Variants in SGSM1 observed in about 807,000 individuals in gnomAD.
The protein encoded by SGSM1 is small G protein signaling modulator 1, also known as RUN and TBC1 domain containing 2.
In SGSM1, 73 loss-of-function variants were observed where a neutral mutation model predicts 133.8. The observed-to-expected ratio is 0.55, with a 90% CI of 0.45 to 0.66. The LOEUF (loss-of-function observed/expected upper bound fraction) is 0.66, where lower values mean the gene tolerates loss of function less well. Ranked by LOEUF, SGSM1 falls within the 30% of genes least tolerant of loss-of-function variation. SGSM1 has a pLI of 0.00. For missense variants in SGSM1, 1,213 were observed against 1,448.1 expected (o/e 0.84, Z 2.64); for synonymous variants, 563 against 573.0 (o/e 0.98, Z 0.25).
chr22:24,898,495 C>T lies in SGSM1; in HGVS notation c.2546C>T (p.Ser849Phe), dbSNP rs1932995454. The change falls in exon 19 of 25, where the codon TCT (serine) becomes TTT (phenylalanine). Residue 849 changes from serine to phenylalanine, a missense_variant. Ser to Phe is a radical substitution (Grantham distance 155). Transcript: ENST00000400358. Reference protein sequence around the residue: ...EMESLFPALASLAVTTSANEV... With the variant: ...EMESLFPALAFLAVTTSANEV... ...GAAAGTCTCTTCCCTGCCCTGGCTT[C>T]TCTGGCTGTGACTACTTCTGCCAAC... 3 of 1,613,878 alleles carry T rather than the reference C, an allele frequency of 1.9e-6. No individual in the cohort carries two copies. Among genetic ancestry groups the T allele is most frequent in the East Asian group, 4.5e-5 (2 of 44,876 alleles).
intron 19 of SGSM1, among the ~76,000 whole-genome samples, chr22:24,899,536 T>A (rs983409915): frequency 0.012 from 1,568 of 126,526 alleles, 40 homozygotes; most frequent in African/African-American, 0.048. Context: ...TTTTTTTTTT[T>A]AATTGAGACA....
chr22:24,850,752 C>T (rs1034113158), intron 5 of SGSM1, among the ~76,000 whole-genome samples: 2 of 152,102 alleles, frequency 1.3e-5, no homozygotes, highest in African/African-American at 2.4e-5. Context: ...TGGGGATTCC[C>T]GATACTCCAG....
At chr22:24,865,709 C>T (rs1415257349) in intron 9 of SGSM1, among the ~76,000 whole-genome samples, 1 of 151,920 alleles carries the variant, frequency 6.6e-6, no homozygotes, top group Admixed American at 6.6e-5. Flanking sequence ...CACACCTGTG[C>T]AGGTTAAGGG....
intron 9 of SGSM1, among the ~76,000 whole-genome samples, chr22:24,861,952 C>CTTTT (rs1367539189): frequency 2.8e-5 from 4 of 142,350 alleles, no homozygotes; most frequent in African/African-American, 1.1e-4. Flanking sequence ...TTCTTTCTTT[C>CTTTT]TTTCTTTTTT....
chr22:24,895,597 C>T (rs1165482879), intron 18 of SGSM1, among the ~76,000 whole-genome samples: 1 of 152,140 alleles, frequency 6.6e-6, no homozygotes, highest in Non-Finnish European at 1.5e-5. Flanking sequence ...CTTTCAAAAC[C>T]TTCTGTATGC....
chr22:24,859,602 G>T (rs919380497), intron 8 of SGSM1, 114 bp from the exon 9 acceptor site: 1 of 1,442,992 alleles, frequency 6.9e-7, no homozygotes, highest in South Asian at 1.2e-5. Flanking sequence ...GGCCTTGAAG[G>T]GATTAACCCA....
intron 8 of SGSM1, among the ~76,000 whole-genome samples, chr22:24,857,709 T>C (rs542916637): frequency 6.6e-6 from 1 of 152,228 alleles, no homozygotes; most frequent in Non-Finnish European, 1.5e-5. Flanking sequence ...CACATTGTTT[T>C]CTGTTCCATC....
chr22:24,823,720 G>T (rs1928624236), intron 2 of SGSM1, among the ~76,000 whole-genome samples: 2 of 152,110 alleles, frequency 1.3e-5, no homozygotes, highest in African/African-American at 2.4e-5. Flanking sequence ...ATCACTTGAG[G>T]CCAGGAGTTG....
chr22:24,917,782 T>A (rs1976784162), intron 23 of SGSM1, 28 bp downstream of exon 23: 2 of 1,585,586 alleles, frequency 1.3e-6, no homozygotes, highest in South Asian at 2.2e-5. Flanking sequence ...GGGACCTGTG[T>A]CCAGACTCTT....
chr22:24,840,586 G>A (rs189717687), intron 2 of SGSM1, among the ~76,000 whole-genome samples: 318 of 151,390 alleles, frequency 2.1e-3, no homozygotes, highest in African/African-American at 7.2e-3. Flanking sequence ...CAGGTAATCC[G>A]CCCGCCTCAG....
Position 24,819,246 on chromosome 22 carries a change from G to A in SGSM1, c.63+12762G>A, listed in dbSNP as rs144243841. 2.9e-3 allele frequency among the ~76,000 whole-genome samples: 440 copies of A among 151,976 alleles called. 1 individual carries two copies. Among genetic ancestry groups the A allele is most frequent in the African/African-American group, 0.01 (417 of 41,422 alleles). On this transcript the variant is annotated intron_variant, in intron 2 of 24. Transcript: ENST00000400358. ...CCTGCCTTGTCCCAGTATGTTAGCC[G>A]CGAGTCACAAGTGCATATCTGCATT...
Position 24,808,115 on chromosome 22 carries a change from G to GGT in SGSM1, c.63+1631_63+1632insGT, listed in dbSNP as rs1369700653. Among the ~76,000 whole-genome samples the GGT allele has an allele frequency of 2.7e-3, 350 of 130,954 alleles. 1 individual carries two copies. The highest frequency in any genetic ancestry group is 1.0e-2 in the African/African-American group (335 of 33,628). The allele number at this position is 130,954 out of a possible 152,430, so 85.9% of individuals were successfully genotyped here. ...CCTCTTATCTTTTTTTTTTCTTGGT[G>GGT]TTTTTTTTTTTTTTTTGAGACGGAG... On this transcript the variant is annotated intron_variant, in intron 2 of 24. Transcript: ENST00000400358.
At chr22:24,836,085 C>T (rs8135522) in intron 2 of SGSM1, among the ~76,000 whole-genome samples, 36,141 of 152,030 alleles carry the variant, frequency 0.24, 4,422 homozygotes, top group African/African-American at 0.29. Context: ...AAACTCTATA[C>T]CCATTAAATA....
chr22:24,894,389 C>T (rs1354709675), intron 17 of SGSM1, among the ~76,000 whole-genome samples: 1 of 152,118 alleles, frequency 6.6e-6, no homozygotes. Context: ...GAAACTCCCT[C>T]TCAAAAAAAA....
chr22:24,813,773 G>C (rs1034018333), intron 2 of SGSM1: 5 of 152,274 alleles, frequency 3.3e-5, no homozygotes, highest in Non-Finnish European at 7.3e-5. Flanking sequence ...TGGCAGGAGG[G>C]CCCCTGGCTT....
intron 9 of SGSM1, among the ~76,000 whole-genome samples, chr22:24,865,928 G>A (rs1931430498): frequency 6.6e-6 from 1 of 152,310 alleles, no homozygotes; most frequent in South Asian, 2.1e-4. Context: ...CGGCCTGCTA[G>A]GTCCTGGCTG....
intron 2 of SGSM1, among the ~76,000 whole-genome samples, chr22:24,832,105 G>T (rs890501246): frequency 6.6e-6 from 1 of 152,222 alleles, no homozygotes; most frequent in Non-Finnish European, 1.5e-5. Context: ...ACAGTCCTGG[G>T]GTTTGGAGAT....
intron 7 of SGSM1, 58 bp from the exon 8 acceptor site, chr22:24,855,491 A>G: frequency 1.2e-6 from 2 of 1,613,026 alleles, no homozygotes; most frequent in Non-Finnish European, 1.7e-6. Context: ...GAAGCAGGGT[A>G]GGAGCCCTGA....
At chr22:24,900,029 CTT>C (rs61298228) in intron 19 of SGSM1, among the ~76,000 whole-genome samples, 113 of 133,308 alleles carry the variant, frequency 8.5e-4, no homozygotes, top group East Asian at 2.0e-3. Context: ...TAGTCTCTTG[CTT>C]TTTTTTTTTT....
Sources: gnomAD v4.1 joint callset for allele counts (sites outside exome capture counted in the v4.1 genomes callset) on GRCh38, gnomAD v4.1.1 for gene constraint, MANE v1.5 for transcripts, NCBI Gene and HGNC (gene_info 2026-07-23, HGNC 2026-07-21) for gene names.